UFL1: variants seen among roughly 807,000 people sequenced by gnomAD.
UFL1 encodes the protein E3 UFM1-protein ligase 1.
A neutral mutation model predicts 99.3 loss-of-function variants in UFL1; 78 were observed. The observed-to-expected ratio is 0.79, with a 90% CI of 0.65 to 0.95. The LOEUF (loss-of-function observed/expected upper bound fraction) is 0.95. Ranked by LOEUF, UFL1 falls within the 40% of genes least tolerant of loss-of-function variation. The pLI is 0.00. For missense variants in UFL1, 936 were observed against 937.0 expected (o/e 1.00, Z 0.01); for synonymous variants, 335 against 322.2 (o/e 1.04, Z -0.42).
intron 11 of UFL1, among the ~76,000 whole-genome samples, chr6:96,540,887 C>T (rs540777710): frequency 6.6e-6 from 1 of 151,444 alleles, no homozygotes; most frequent in South Asian, 2.1e-4. Flanking sequence ...TATCATCATG[C>T]TCATCTCTTG....
At chr6:96,533,550 T>C (rs1769812293) in intron 6 of UFL1, among the ~76,000 whole-genome samples, 1 of 151,920 alleles carries the variant, frequency 6.6e-6, no homozygotes, top group African/African-American at 2.4e-5. Context: ...AAACAGATAG[T>C]TATCTAGATT....
Position 96,553,152 on chromosome 6 carries a change from A to C in UFL1, c.2167-133A>C, listed in dbSNP as rs1582448074. The stretch of plus-strand genomic sequence containing the variant: ...CCTTGAGAGCAGAAACTGCTAGATT[A>C]GACTTGCTACTTACATGGCCAGTTT... On this transcript the variant is annotated intron_variant, in intron 18 of 18. Transcript: ENST00000369278. 4.2e-6 allele frequency: 3 copies of C among 719,960 alleles called. No individual in the cohort carries two copies. The East Asian group carries it at 8.1e-5, about 19-fold the overall frequency. The allele number at this position is 719,960 out of a possible 1,614,324, so 44.6% of individuals were successfully genotyped here. A position where few individuals can be genotyped will look rare whatever the true frequency, so the allele number is the denominator to read the frequency against.
At chr6:96,536,810 G>T (rs930205322) in intron 8 of UFL1, among the ~76,000 whole-genome samples, 2 of 151,540 alleles carry the variant, frequency 1.3e-5, no homozygotes, top group Non-Finnish European at 2.9e-5. Flanking sequence ...CAGTTTTTCA[G>T]ATATATCATC....
At chr6:96,525,186 G>C in intron 3 of UFL1, 111 bp from the exon 4 acceptor site, 1 of 780,200 alleles carries the variant, frequency 1.3e-6, no homozygotes, top group Non-Finnish European at 2.0e-6. Flanking sequence ...CCAGGCATGA[G>C]CCACCATGCC....
intron 15 of UFL1, among the ~76,000 whole-genome samples, chr6:96,551,064 G>A (rs1054440417): frequency 3.2e-4 from 49 of 151,932 alleles, no homozygotes; most frequent in African/African-American, 1.1e-3. Flanking sequence ...CTCCCATCTT[G>A]TAGGCATCCT....
Position 96,540,553 on chromosome 6 carries a change from G to A in UFL1, c.1177G>A (p.Val393Met). 6.2e-7 allele frequency: 1 copy of A among 1,604,166 alleles called. No homozygotes were observed. Residue 393 changes from valine to methionine, a missense_variant, in exon 11 of 19, where the codon GTG (valine) becomes ATG (methionine). Physicochemically the swap from Val to Met is conservative, Grantham distance 21 (BLOSUM62 1). Coordinates refer to ENST00000369278, the MANE Select transcript of UFL1 (RefSeq NM_015323.5). ...ATTTTAGGAAATGAAAAATAATCCT[G>A]TGCATTTAATCACTGAAGAAGATCT... Reference protein sequence around the residue: ...KAEKEMKNNPVHLITEEDLKQ... With the variant: ...KAEKEMKNNPMHLITEEDLKQ...
intron 17 of UFL1, 77 bp from the exon 18 acceptor site, chr6:96,552,405 C>T (rs1770093787): frequency 7.1e-7 from 1 of 1,417,702 alleles, no homozygotes. Context: ...TAAAAATTAA[C>T]AGAAAGGGAT....
intron 15 of UFL1, among the ~76,000 whole-genome samples, chr6:96,550,796 G>A (rs1770067907): frequency 1.3e-5 from 2 of 152,088 alleles, no homozygotes; most frequent in African/African-American, 2.4e-5. Flanking sequence ...GGCCACAGAA[G>A]GATTGGTGTG....
rs1770123372 is a variant in UFL1 at position 96,554,214 on chromosome 6, A to T, written c.*711A>T. 6.6e-6 allele frequency: 1 copy of T among 152,196 alleles called. No homozygotes were observed. The highest frequency in any genetic ancestry group is 6.5e-5 in the Admixed American group (1 of 15,276). The allele number at this position is 152,196 out of a possible 1,614,324, so 9.4% of individuals were successfully genotyped here. On this transcript the variant is annotated 3_prime_UTR_variant, in exon 19 of 19. Transcript: ENST00000369278. ...GAGAGAACACATGCAATTTATTACCAGTAAGCATAAGTCATATTTAACATT... is the reference window on the plus strand; with the variant it reads ...GAGAGAACACATGCAATTTATTACCTGTAAGCATAAGTCATATTTAACATT...
At chr6:96,552,986 A>AC (rs953718384) in intron 18 of UFL1, among the ~76,000 whole-genome samples, 25 of 151,830 alleles carry the variant, frequency 1.6e-4, no homozygotes, top group Admixed American at 1.1e-3. Context: ...TAGCTAAAAA[A>AC]CCCCTCAGCT....
At chr6:96,541,108 A>G (rs1769925021) in intron 11 of UFL1, among the ~76,000 whole-genome samples, 1 of 151,344 alleles carries the variant, frequency 6.6e-6, no homozygotes, top group Non-Finnish European at 1.5e-5. Context: ...TTCCTTAGAG[A>G]GGCCTCCTAA....
In UFL1 at chr6:96,534,332, T is replaced by C. The variant is rs756381018; in HGVS notation, c.655+11T>C. ...AGCAGCTTCTTTACTGTGAGTTTGGTTTAAATTATATTTACTTAATTAGCT... is the reference window on the plus strand; with the variant it reads ...AGCAGCTTCTTTACTGTGAGTTTGGCTTAAATTATATTTACTTAATTAGCT... On this transcript the variant is annotated intron_variant, in intron 7 of 18. Transcript: ENST00000369278. 1.3e-6 allele frequency: 2 copies of C among 1,556,846 alleles called. No individual in the cohort carries two copies. The highest frequency in any genetic ancestry group is 1.7e-6 in the Non-Finnish European group (2 of 1,150,190).
At chr6:96,534,476 G>A (rs1163167167) in intron 7 of UFL1, among the ~76,000 whole-genome samples, 155 bp downstream of exon 7, 1 of 150,760 alleles carries the variant, frequency 6.6e-6, no homozygotes, top group African/African-American at 2.4e-5. Context: ...TTTTATATAT[G>A]TACCTATCTG....
At chr6:96,537,101 A>G (rs530417039) in intron 8 of UFL1, among the ~76,000 whole-genome samples, 1 of 151,838 alleles carries the variant, frequency 6.6e-6, no homozygotes, top group Non-Finnish European at 1.5e-5. Flanking sequence ...CTTAGTATAT[A>G]AATAATTTAA....
intron 6 of UFL1, among the ~76,000 whole-genome samples, chr6:96,530,840 T>C (rs867585873): frequency 6.6e-6 from 1 of 152,166 alleles, no homozygotes; most frequent in African/African-American, 2.4e-5. Flanking sequence ...ACATTACTTA[T>C]CACTATTCGG....
At position 96,536,404 on chromosome 6, in the gene UFL1, T is replaced by C. The variant is rs1157455832; in HGVS notation, c.802+14T>C. The C allele has an allele frequency of 1.3e-6, 2 of 1,589,334 alleles. No individual in the cohort carries two copies. Among genetic ancestry groups the C allele is most frequent in the Admixed American group, 3.4e-5 (2 of 59,142 alleles). ...ATGGCTATCTAGGTAACTTTCTTAT[T>C]TCTTTAAAACTAAAATTTATTTTTA... On this transcript the variant is annotated intron_variant, in intron 8 of 18. Transcript: ENST00000369278.
chr6:96,549,530 C>T lies in UFL1; in HGVS notation c.1639C>T (p.Leu547=). ...GGACTTGCAAGAAGAAGTTTCAAAC[C>T]TGTACAATAACATTAGGTTATTTGA... ...IKDLQEEVSN[L]YNNIRLFEKG... Residue 547 remains leucine, a synonymous_variant, in exon 14 of 19, where the codon CTG becomes TTG. Transcript: ENST00000369278. 2 of 1,596,574 alleles carry T rather than the reference C, an allele frequency of 1.3e-6. No homozygotes were observed. The highest frequency in any genetic ancestry group is 1.7e-6 in the Non-Finnish European group (2 of 1,174,500).
chr6:96,549,399 G>T lies in UFL1; in HGVS notation c.1521-13G>T, dbSNP rs1178416664. The T allele has an allele frequency of 3.2e-6, 5 of 1,570,890 alleles. No individual in the cohort carries two copies. Among genetic ancestry groups the T allele is most frequent in the Non-Finnish European group, 3.4e-6 (4 of 1,165,210 alleles). On this transcript the variant is annotated splice_polypyrimidine_tract_variant and intron_variant, in intron 13 of 18. Coordinates refer to ENST00000369278, the MANE Select transcript of UFL1 (RefSeq NM_015323.5). ...ACATTTTAATAAACTAAATATATTT[G>T]TCTTATGCACAGACCTCTTAATAAA...
chr6:96,528,726 A>T, intron 6 of UFL1, 94 bp downstream of exon 6: 1 of 1,419,780 alleles, frequency 7.0e-7, no homozygotes, highest in Non-Finnish European at 9.3e-7. Flanking sequence ...TTGTTTTAAT[A>T]AAGTCTCATT....
Sources: gnomAD v4.1 joint callset for allele counts (sites outside exome capture counted in the v4.1 genomes callset) on GRCh38, gnomAD v4.1.1 for gene constraint, MANE v1.5 for transcripts, NCBI Gene and HGNC (gene_info 2026-07-23, HGNC 2026-07-21) for gene names.